Variants in ZPBP observed in about 807,000 individuals in gnomAD.
ZPBP encodes the protein zona pellucida binding protein.
A neutral mutation model predicts 44.8 loss-of-function variants in ZPBP; 26 were observed. That is an observed-to-expected ratio of 0.58 (90% CI 0.43 to 0.81). ZPBP has a LOEUF of 0.81. Ranked by LOEUF, ZPBP falls within the 30% of genes least tolerant of loss-of-function variation. ZPBP has a pLI of 0.00. For missense variants in ZPBP, 409 were observed against 434.0 expected (o/e 0.94, Z 0.51); for synonymous variants, 174 against 153.2 (o/e 1.14, Z -1.00).
intron 4 of ZPBP, among the ~76,000 whole-genome samples, chr7:50,038,680 C>T (rs1799931131): frequency 6.6e-6 from 1 of 152,214 alleles, no homozygotes; most frequent in African/African-American, 2.4e-5. Flanking sequence ...TCATGTGCTG[C>T]ATAATTATGT....
downstream of ZPBP, among the ~76,000 whole-genome samples, chr7:49,850,098 C>T (rs997138001): frequency 2.6e-5 from 4 of 152,110 alleles, no homozygotes; most frequent in African/African-American, 9.7e-5. Context: ...TGTAGAAAAA[C>T]CAAGCCTAGC....
intron 6 of ZPBP, among the ~76,000 whole-genome samples, chr7:49,993,689 A>G (rs1234828490): frequency 6.6e-6 from 1 of 152,198 alleles, no homozygotes; most frequent in Non-Finnish European, 1.5e-5. Context: ...CACCATGAAG[A>G]ATGGTGCCAT....
intron 7 of ZPBP, among the ~76,000 whole-genome samples, chr7:49,939,181 T>C (rs1415200196): frequency 6.6e-6 from 1 of 152,178 alleles, no homozygotes; most frequent in East Asian, 1.9e-4. Context: ...GAAGAACAAA[T>C]ATGGAAATGT....
At chr7:49,906,485 G>A (rs540959363) in intron 1 of ZPBP, among the ~76,000 whole-genome samples, 3 of 151,986 alleles carry the variant, frequency 2.0e-5, no homozygotes, top group South Asian at 4.2e-4. Flanking sequence ...ACAGGCACCC[G>A]CCACCACACC....
chr7:49,859,314 GT>G (rs1335490617), intron 2 of ZPBP, among the ~76,000 whole-genome samples: 1 of 152,020 alleles, frequency 6.6e-6, no homozygotes, highest in African/African-American at 2.4e-5. Context: ...TATCTTTTAT[GT>G]TTTTTTATTT....
chr7:49,893,267 C>T (rs950994983), intron 2 of ZPBP, among the ~76,000 whole-genome samples: 19 of 152,034 alleles, frequency 1.2e-4, no homozygotes, highest in African/African-American at 3.4e-4. Flanking sequence ...ATCTAGAATA[C>T]GGCATGTTCC....
At chr7:50,005,329 C>T (rs1030147709) in intron 6 of ZPBP, among the ~76,000 whole-genome samples, 1 of 151,986 alleles carries the variant, frequency 6.6e-6, no homozygotes, top group Non-Finnish European at 1.5e-5. Flanking sequence ...TAAAGTAATT[C>T]TGTAAACAAA....
chr7:49,865,768 T>C (rs1790859212), intron 2 of ZPBP, among the ~76,000 whole-genome samples: 1 of 152,200 alleles, frequency 6.6e-6, no homozygotes, highest in African/African-American at 2.4e-5. Flanking sequence ...AGCCTCCTGA[T>C]CCACCCACCT....
chr7:49,863,674 G>A (rs1790760141), intron 2 of ZPBP, among the ~76,000 whole-genome samples: 1 of 152,010 alleles, frequency 6.6e-6, no homozygotes, highest in Non-Finnish European at 1.5e-5. Flanking sequence ...CAAGCCATCC[G>A]CCCACCTCAG....
rs185742450 is a variant in ZPBP, at chr7:49,898,113, A to G, written n.509+3005T>C. On this transcript the variant is annotated intron_variant and non_coding_transcript_variant, in intron 2 of 2. Transcript: ENST00000465922. ...CAACCATTATGTATGCTTTACATAT[A>G]TGTGTGTGTGTGTGTGTATGTATGT... 8.5e-4 allele frequency among the ~76,000 whole-genome samples: 129 copies of G among 151,326 alleles called. 1 individual carries two copies. In the East Asian group the frequency reaches 0.016, roughly 18 times the overall value.
intron 7 of ZPBP, among the ~76,000 whole-genome samples, chr7:49,972,634 T>C (rs371786072): frequency 1.3e-5 from 2 of 152,032 alleles, no homozygotes; most frequent in Admixed American, 1.3e-4. Context: ...AGACTTAATA[T>C]TATTAAGATG....
intron 2 of ZPBP, among the ~76,000 whole-genome samples, chr7:49,872,751 C>CAAAAAA (rs34987652): frequency 4.5e-4 from 55 of 122,060 alleles, no homozygotes; most frequent in Non-Finnish European, 7.6e-4. Flanking sequence ...ACAAAAAATA[C>CAAAAAA]AAAAAAAAAA....
At chr7:49,882,106 A>G (rs1051859768) in intron 2 of ZPBP, among the ~76,000 whole-genome samples, 4 of 152,192 alleles carry the variant, frequency 2.6e-5, no homozygotes, top group Non-Finnish European at 5.9e-5. Flanking sequence ...ATGTATAAAC[A>G]TAGATTTATA....
chr7:49,950,077 A>G (rs1795272561), intron 7 of ZPBP, among the ~76,000 whole-genome samples: 1 of 152,004 alleles, frequency 6.6e-6, no homozygotes, highest in South Asian at 2.1e-4. Context: ...TGTGTGTCAT[A>G]GCAAAAAACT....
At chr7:49,945,145 A>G (rs772969994) in intron 7 of ZPBP, among the ~76,000 whole-genome samples, 1 of 152,126 alleles carries the variant, frequency 6.6e-6, no homozygotes, top group Non-Finnish European at 1.5e-5. Flanking sequence ...CCAGGTGTTC[A>G]TATAGTTTCA....
chr7:50,052,024 T>G (rs1192910901), intron 4 of ZPBP, among the ~76,000 whole-genome samples: 1 of 152,130 alleles, frequency 6.6e-6, no homozygotes, highest in East Asian at 1.9e-4. Context: ...AGACTATCTT[T>G]GGGATCTAGA....
At chr7:49,887,142 G>A (rs529984331) in intron 2 of ZPBP, among the ~76,000 whole-genome samples, 53 of 152,214 alleles carry the variant, frequency 3.5e-4, no homozygotes, top group Non-Finnish European at 6.0e-4. Context: ...TTTAACTTCA[G>A]GGATGCTTTA....
chr7:50,023,619 C>A (rs1412436831), intron 5 of ZPBP, among the ~76,000 whole-genome samples: 1 of 151,822 alleles, frequency 6.6e-6, no homozygotes, highest in Non-Finnish European at 1.5e-5. Context: ...GGAAAACATA[C>A]TAAAAGTCAA....
chr7:49,992,127 T>G (rs2128788803), intron 6 of ZPBP, among the ~76,000 whole-genome samples: 1 of 152,160 alleles, frequency 6.6e-6, no homozygotes, highest in East Asian at 1.9e-4. Context: ...GTAGAGAGGT[T>G]GGAGGAGGAA....
Sources: allele counts gnomAD v4.1 joint callset (sites outside exome capture counted in the v4.1 genomes callset), GRCh38; gene constraint gnomAD v4.1.1; transcripts MANE v1.5; gene names NCBI Gene and HGNC (gene_info 2026-07-23, HGNC 2026-07-21).